The following SPTY2D1 variants were observed in gnomAD, a reference collection of about 807,000 sequenced individuals.
The protein encoded by SPTY2D1 is SPT2 chromatin protein domain containing 1, also known as protein SPT2 homolog.
Under a neutral mutation model 64.0 loss-of-function variants are expected in SPTY2D1, and 21 were observed. The observed-to-expected ratio is 0.33, with a 90% CI of 0.23 to 0.47. SPTY2D1 has a LOEUF of 0.47. Among genes scored for constraint, SPTY2D1 ranks in the 20% least tolerant of loss-of-function variants. The pLI is 1.00. For synonymous variants in SPTY2D1, 287 were observed against 286.8 expected (o/e 1.00, Z -0.01); for missense variants, 724 against 837.2 (o/e 0.86, Z 1.67).
rs1276271114 is a variant in SPTY2D1 at position 18,612,282 on chromosome 11, G to A, written c.1886+32C>T. On this transcript the variant is annotated intron_variant, in intron 4 of 5. Transcript: ENST00000336349. The surrounding 1 kb of genome is among the most constrained non-coding windows in gnomAD (Gnocchi z 4.6). ...GAATTATTCAAAATAAAAAAAGGAT[G>A]TCATAGTTATCTGAATCTTCTTTAG... The A allele has an allele frequency of 6.5e-7, 1 of 1,537,792 alleles. No homozygotes were observed. The highest frequency in any genetic ancestry group is 8.8e-7 in the Non-Finnish European group (1 of 1,139,698).
rs149221292 is a variant in SPTY2D1, at chr11:18,627,804, G to A, written c.60+6394C>T. ...TGAGGCAGGAGAATGGCGTGAGCCC[G>A]CGAGGCGGAGCTTGCAGTGAGCCGA... On this transcript the variant is annotated intron_variant, in intron 1 of 5. Transcript: ENST00000336349. Among the ~76,000 whole-genome samples the A allele has an allele frequency of 5.0e-3, 765 of 151,496 alleles. 10 individuals are homozygous for A. The highest frequency in any genetic ancestry group is 0.017 in the African/African-American group (700 of 41,256).
intron 1 of SPTY2D1, among the ~76,000 whole-genome samples, chr11:18,632,095 G>C (rs12365861): frequency 1.3e-5 from 2 of 151,288 alleles, no homozygotes; most frequent in Non-Finnish European, 1.5e-5. Context: ...GCAGTGAGCC[G>C]AGACCATGCC....
intron 1 of SPTY2D1, among the ~76,000 whole-genome samples, chr11:18,618,894 G>A (rs142404883): frequency 6.6e-6 from 1 of 152,302 alleles, no homozygotes; most frequent in East Asian, 1.9e-4. Flanking sequence ...GCAATGCTGA[G>A]AAGTGACATA....
At chr11:18,617,703 C>T (rs905908041) in intron 1 of SPTY2D1, among the ~76,000 whole-genome samples, 6 of 149,446 alleles carry the variant, frequency 4.0e-5, no homozygotes, top group African/African-American at 1.2e-4. Context: ...ACACTTTGGG[C>T]GGCTGAGGTG....
At chr11:18,621,921 T>C (rs1854411829) in intron 1 of SPTY2D1, among the ~76,000 whole-genome samples, 1 of 150,962 alleles carries the variant, frequency 6.6e-6, no homozygotes, top group Non-Finnish European at 1.5e-5. Context: ...ACCCTGTCTC[T>C]CCAAACAATT....
In SPTY2D1 at chr11:18,607,770, T is replaced by TTA. The variant is rs1375032336; in HGVS notation, c.*2089_*2090dup. 2 of 152,170 alleles carry TTA rather than the reference T, an allele frequency of 1.3e-5. No individual in the cohort carries two copies. Among genetic ancestry groups the TTA allele is most frequent in the African/African-American group, 4.8e-5 (2 of 41,446 alleles). The allele number at this position is 152,170 out of a possible 1,614,324, so 9.4% of individuals were successfully genotyped here. ...TTATAATGTTGACGCAAATCAACAT[T>TTA]TATATTATAGAAATGCACTCAGAAG... is the stretch of plus-strand genomic sequence containing the variant. On this transcript the variant is annotated 3_prime_UTR_variant, in exon 6 of 6. Coordinates refer to ENST00000336349, the MANE Select transcript of SPTY2D1 (RefSeq NM_194285.3).
At chr11:18,613,172 T>A (rs1435690334) in intron 3 of SPTY2D1, among the ~76,000 whole-genome samples, 1 of 152,264 alleles carries the variant, frequency 6.6e-6, no homozygotes, top group Non-Finnish European at 1.5e-5. Flanking sequence ...AATCACAATT[T>A]CATTTAAAAA....
chr11:18,621,330 G>GAAAAGAA (rs1289665287), intron 1 of SPTY2D1, among the ~76,000 whole-genome samples: 2 of 95,766 alleles, frequency 2.1e-5, no homozygotes, highest in African/African-American at 4.8e-5. Context: ...AAACAGAAAA[G>GAAAAGAA]AAAAGAAAAG....
At chr11:18,634,084 G>T in intron 1 of SPTY2D1, 114 bp downstream of exon 1, 2 of 1,165,292 alleles carry the variant, frequency 1.7e-6, no homozygotes, top group Non-Finnish European at 2.5e-6. Context: ...TAAGGCGTCC[G>T]GGTCTTTCCT....
intron 5 of SPTY2D1, among the ~76,000 whole-genome samples, chr11:18,611,218 G>A (rs1854201023): frequency 6.6e-6 from 1 of 152,144 alleles, no homozygotes; most frequent in African/African-American, 2.4e-5. Flanking sequence ...TGAGATGGGA[G>A]GATCACTTGA....
intron 1 of SPTY2D1, among the ~76,000 whole-genome samples, chr11:18,631,392 T>C (rs772046063): frequency 4.9e-4 from 74 of 151,740 alleles, no homozygotes; most frequent in Non-Finnish European, 9.6e-4. Context: ...CTATCTCTAC[T>C]AAAAATACAA....
chr11:18,616,890 C>G lies in SPTY2D1; in HGVS notation c.160G>C (p.Glu54Gln). 1.9e-6 allele frequency: 3 copies of G among 1,614,098 alleles called. No individual in the cohort carries two copies. Among genetic ancestry groups the G allele is most frequent in the Non-Finnish European group, 2.5e-6 (3 of 1,179,990 alleles). Residue 54 changes from glutamate to glutamine, a missense_variant, in exon 2 of 6, where the codon GAG becomes CAG. Around this residue, in one of 3 missense-constraint regions of SPTY2D1, gnomAD observed 179 missense variants for 232.5 expected, o/e 0.77. Coordinates refer to ENST00000336349, the MANE Select transcript of SPTY2D1 (RefSeq NM_194285.3). ...AGATACATACCTTTTCGTCTCAGCT[C>G]CTCTTCTTTCCTTTTAAGAAAAGCT... ...VQAFLKRKEE[E>Q]LRRKALEEKR...
intron 1 of SPTY2D1, among the ~76,000 whole-genome samples, chr11:18,627,878 CA>C (rs71313422): frequency 2.9e-4 from 42 of 143,878 alleles, no homozygotes; most frequent in African/African-American, 5.0e-4. Flanking sequence ...GACTCCGTCT[CA>C]AAAAAAAAAA....
At position 18,616,881 on chromosome 11, in the gene SPTY2D1, G is replaced by T. The variant is rs757488583; in HGVS notation, c.169C>A (p.Arg57=). ...TAAGGCTATAGATACATACCTTTTCGTCTCAGCTCCTCTTCTTTCCTTTTA... is the reference window on the plus strand; with the variant it reads ...TAAGGCTATAGATACATACCTTTTCTTCTCAGCTCCTCTTCTTTCCTTTTA... ...FLKRKEEELR[R]KALEEKRRKE... The change falls in exon 2 of 6, where the codon CGA becomes AGA. Residue 57 remains arginine (R), a synonymous_variant. Transcript: ENST00000336349. The T allele has an allele frequency of 6.2e-7, 1 of 1,613,848 alleles. No homozygotes were observed. Among genetic ancestry groups the T allele is most frequent in the South Asian group, 1.1e-5 (1 of 91,070 alleles).
rs1378940534 is a variant in SPTY2D1 at position 18,621,504 on chromosome 11, A to G, written c.61-4515T>C. 2.6e-5 allele frequency among the ~76,000 whole-genome samples: 4 copies of G among 152,168 alleles called. No homozygotes were observed. In the East Asian group the frequency reaches 7.7e-4, roughly 29 times the overall value. On this transcript the variant is annotated intron_variant, in intron 1 of 5. Transcript: ENST00000336349. ...TAGCTTTTTTTCAAAGTATACACCTATTCTCATCAATTTATATGTCAACTT... is the reference window on the plus strand; with the variant it reads ...TAGCTTTTTTTCAAAGTATACACCTGTTCTCATCAATTTATATGTCAACTT...
rs544487828 is a variant in SPTY2D1 at position 18,634,231 on chromosome 11, T to C, written c.27A>G (p.Ile9Met). 5 of 1,614,188 alleles carry C rather than the reference T, an allele frequency of 3.1e-6. No homozygotes were observed. The highest frequency in any genetic ancestry group is 1.1e-5 in the South Asian group (1 of 91,090). The part of the protein sequence containing the change: MDFREILM[I>M]ASKGQGVNNV... ...TGTTGACACCTTGTCCCTTGGAAGC[T>C]ATCATGAGAATTTCTCTGAAGTCCA... The change falls in exon 1 of 6, where the codon ATA becomes ATG. Residue 9 changes from isoleucine to methionine, a missense_variant. Coordinates refer to ENST00000336349, the MANE Select transcript of SPTY2D1 (RefSeq NM_194285.3).
intron 2 of SPTY2D1, among the ~76,000 whole-genome samples, 165 bp from the exon 3 acceptor site, chr11:18,616,263 G>C (rs1854298851): frequency 6.6e-6 from 1 of 152,180 alleles, no homozygotes; most frequent in Non-Finnish European, 1.5e-5. Context: ...TAATGAGTGG[G>C]AGACATATGG....
At chr11:18,630,334 G>A (rs1194123131) in intron 1 of SPTY2D1, among the ~76,000 whole-genome samples, 1 of 152,136 alleles carries the variant, frequency 6.6e-6, no homozygotes, top group African/African-American at 2.4e-5. Flanking sequence ...AATTAGCTGG[G>A]TGTGGTGGCA....
intron 1 of SPTY2D1, among the ~76,000 whole-genome samples, chr11:18,622,993 C>T (rs991359107): frequency 4.7e-5 from 7 of 150,532 alleles, no homozygotes; most frequent in African/African-American, 7.4e-5. Context: ...ACAACAACAA[C>T]ATTCCATGTA....
Sources: allele counts gnomAD v4.1 joint callset (sites outside exome capture counted in the v4.1 genomes callset), GRCh38; gene constraint gnomAD v4.1.1; regional missense constraint gnomAD v4.1.1; non-coding constraint Gnocchi (gnomAD v3.1); transcripts MANE v1.5; gene names NCBI Gene and HGNC (gene_info 2026-07-23, HGNC 2026-07-21).